SLC44A5: variants seen among roughly 807,000 people sequenced by gnomAD.
The protein encoded by SLC44A5 is solute carrier family 44 member 5.
In SLC44A5, 57 loss-of-function variants were observed where a neutral mutation model predicts 101.8. That is an observed-to-expected ratio of 0.56 (90% CI 0.45 to 0.70). The LOEUF (loss-of-function observed/expected upper bound fraction) is 0.70, where lower values mean the gene tolerates loss of function less well. Among genes scored for constraint, SLC44A5 ranks in the 30% least tolerant of loss-of-function variants. SLC44A5 has a pLI of 0.00. For synonymous variants in SLC44A5, 281 were observed against 290.9 expected, an observed-to-expected ratio of 0.97 and a Z score of 0.35; for missense variants, 737 against 853.1, an observed-to-expected ratio of 0.86 and a Z score of 1.70.
chr1:75,208,411 G>T (rs541120106), intron 23 of SLC44A5, among the ~76,000 whole-genome samples: 1 of 152,076 alleles, frequency 6.6e-6, no homozygotes, highest in East Asian at 1.9e-4. Flanking sequence ...TGCCGGCCTC[G>T]GCCTCCCAAA....
intron 2 of SLC44A5, among the ~76,000 whole-genome samples, chr1:75,443,691 GA>G (rs1037961686): frequency 6.6e-5 from 10 of 150,876 alleles, no homozygotes; most frequent in African/African-American, 2.4e-4. Context: ...AAAATAAAAA[GA>G]AAATATTCCC....
chr1:75,584,838 C>A (rs1442854732), intron 1 of SLC44A5, among the ~76,000 whole-genome samples: 1 of 152,124 alleles, frequency 6.6e-6, no homozygotes, highest in Non-Finnish European at 1.5e-5. Flanking sequence ...CTCAAGCAAT[C>A]CACCTACCTC....
chr1:75,254,536 A>G (rs1649854434), intron 6 of SLC44A5, among the ~76,000 whole-genome samples: 1 of 152,172 alleles, frequency 6.6e-6, no homozygotes, highest in Non-Finnish European at 1.5e-5. Context: ...CCTGAGACTC[A>G]TCGGAATAAA....
intron 5 of SLC44A5, among the ~76,000 whole-genome samples, chr1:75,293,329 A>G (rs2100832529): frequency 6.6e-6 from 1 of 152,316 alleles, no homozygotes; most frequent in South Asian, 2.1e-4. Context: ...AGTTGCAGCC[A>G]TTTAAAAGCC....
At chr1:75,548,154 A>G (rs1177904048) in intron 1 of SLC44A5, among the ~76,000 whole-genome samples, 1 of 152,168 alleles carries the variant, frequency 6.6e-6, no homozygotes, top group Admixed American at 6.6e-5. Context: ...CTCTAGTTTT[A>G]GACAGACCAA....
chr1:75,374,366 C>T (rs929735633), intron 3 of SLC44A5, among the ~76,000 whole-genome samples: 4 of 152,168 alleles, frequency 2.6e-5, no homozygotes, highest in African/African-American at 9.7e-5. Flanking sequence ...GCTTAGAGGA[C>T]CAGTAGGTCT....
intron 4 of SLC44A5, among the ~76,000 whole-genome samples, chr1:75,330,036 AT>A (rs774669065): frequency 6.6e-6 from 1 of 151,182 alleles, no homozygotes; most frequent in Admixed American, 6.6e-5. Flanking sequence ...TTAAGTACCA[AT>A]TTTTATGTTC....
chr1:75,321,777 C>A (rs1656170332), intron 4 of SLC44A5, among the ~76,000 whole-genome samples: 2 of 152,144 alleles, frequency 1.3e-5, no homozygotes, highest in Admixed American at 6.5e-5. Flanking sequence ...GTATTAGCGA[C>A]TTTTTCCTTT....
chr1:75,428,945 A>G (rs984729008), intron 2 of SLC44A5, among the ~76,000 whole-genome samples: 1 of 152,216 alleles, frequency 6.6e-6, no homozygotes, highest in African/African-American at 2.4e-5. Context: ...CAAATAGTTT[A>G]AAGAGCATAC....
intron 1 of SLC44A5, among the ~76,000 whole-genome samples, chr1:75,600,086 A>G (rs1194056498): frequency 6.6e-6 from 1 of 152,152 alleles, no homozygotes; most frequent in African/African-American, 2.4e-5. Context: ...TCTAATCCAT[A>G]TTAGAAATGA....
the SLC44A5 span, among the ~76,000 whole-genome samples, chr1:75,642,805 G>A: frequency 6.6e-6 from 1 of 152,026 alleles, no homozygotes; most frequent in Admixed American, 6.6e-5. Context: ...AAACAGTGGG[G>A]GTAGGGGAGA....
At chr1:75,469,752 T>C (rs1193404478) in intron 2 of SLC44A5, among the ~76,000 whole-genome samples, 1 of 151,784 alleles carries the variant, frequency 6.6e-6, no homozygotes, top group Non-Finnish European at 1.5e-5. Flanking sequence ...AAGTAAATAT[T>C]ATCTGGGCAT....
At chr1:75,720,728 A>G in the SLC44A5 span, among the ~76,000 whole-genome samples, 2 of 152,172 alleles carry the variant, frequency 1.3e-5, no homozygotes, top group African/African-American at 4.8e-5. Flanking sequence ...TCCTGAGAAC[A>G]TGTGCTCAGG....
intron 1 of SLC44A5, among the ~76,000 whole-genome samples, chr1:75,557,848 T>C (rs1672305582): frequency 6.6e-6 from 1 of 152,148 alleles, no homozygotes; most frequent in African/African-American, 2.4e-5. Context: ...TAATGGCTAT[T>C]TATGACTATA....
intron 1 of SLC44A5, among the ~76,000 whole-genome samples, chr1:75,587,707 A>AT (rs1674095139): frequency 6.6e-6 from 1 of 152,236 alleles, no homozygotes; most frequent in Admixed American, 6.5e-5. Flanking sequence ...ACATTTTGCA[A>AT]TAAAGCCTGA....
At chr1:75,616,316 G>A in the SLC44A5 span, among the ~76,000 whole-genome samples, 63 of 151,980 alleles carry the variant, frequency 4.1e-4, no homozygotes, top group African/African-American at 1.4e-3. Context: ...CCGTCATCCA[G>A]CAGCCTCTAC....
intron 2 of SLC44A5, among the ~76,000 whole-genome samples, chr1:75,533,278 TGAAA>T (rs368227025): frequency 3.3e-5 from 5 of 152,366 alleles, no homozygotes; most frequent in African/African-American, 1.2e-4. Context: ...AGGAATTTAC[TGAAA>T]GAGTCTGTGT....
intron 3 of SLC44A5, among the ~76,000 whole-genome samples, chr1:75,354,642 C>T (rs1386599154): frequency 6.6e-6 from 1 of 152,162 alleles, no homozygotes; most frequent in African/African-American, 2.4e-5. Flanking sequence ...TTGACTCCGC[C>T]GGACTTCGTC....
chr1:75,208,708 G>A (rs1295920070), intron 23 of SLC44A5, among the ~76,000 whole-genome samples: 2 of 152,130 alleles, frequency 1.3e-5, no homozygotes, highest in African/African-American at 4.8e-5. Flanking sequence ...TGGATAAGGA[G>A]AGATTACTGC....
Sources: allele counts gnomAD v4.1 joint callset (sites outside exome capture counted in the v4.1 genomes callset), GRCh38; gene constraint gnomAD v4.1.1; transcripts MANE v1.5; gene names NCBI Gene and HGNC (gene_info 2026-07-23, HGNC 2026-07-21).